Variants in SPPL3 observed in about 807,000 individuals in gnomAD.
SPPL3 encodes the protein signal peptide peptidase-like 3.
SPPL3 carries 5 observed loss-of-function variants against 42.4 expected under a neutral mutation model. The ratio of observed to expected loss-of-function variants is 0.12; its 90% CI spans 0.06 to 0.25. The LOEUF is 0.25. Among genes scored for constraint, SPPL3 ranks in the 10% least tolerant of loss-of-function variants. SPPL3 has a pLI of 1.00. For missense variants in SPPL3, 235 were observed against 489.0 expected (o/e 0.48, Z 4.90); for synonymous variants, 195 against 181.8 (o/e 1.07, Z -0.58).
chr12:120,824,533 A>G (rs1024713727), intron 1 of SPPL3, among the ~76,000 whole-genome samples: 1 of 152,034 alleles, frequency 6.6e-6, no homozygotes, highest in African/African-American at 2.4e-5. Context: ...GTTTTCTTAA[A>G]CTTTTATTTT....
At chr12:120,779,520 C>T (rs942905285) in intron 6 of SPPL3, among the ~76,000 whole-genome samples, 3 of 152,194 alleles carry the variant, frequency 2.0e-5, no homozygotes, top group Admixed American at 6.5e-5. Context: ...AATTGACTGT[C>T]TTTATATTTT....
intron 6 of SPPL3, among the ~76,000 whole-genome samples, chr12:120,770,933 C>T (rs1869096178): frequency 6.6e-6 from 1 of 152,202 alleles, no homozygotes; most frequent in Non-Finnish European, 1.5e-5. Flanking sequence ...CTTAACAGTG[C>T]AGTCTTCTGT....
intron 2 of SPPL3, among the ~76,000 whole-genome samples, chr12:120,799,333 T>A (rs1452847466): frequency 1.1e-4 from 17 of 152,364 alleles, no homozygotes; most frequent in Non-Finnish European, 2.1e-4. Flanking sequence ...AGAATGGTTG[T>A]ATGGGTACTT....
intron 1 of SPPL3, among the ~76,000 whole-genome samples, chr12:120,845,951 G>A (rs1464177080): frequency 6.6e-6 from 1 of 151,948 alleles, no homozygotes; most frequent in African/African-American, 2.4e-5. Flanking sequence ...AGGCTAGAGT[G>A]CGGTGGTGCA....
At chr12:120,847,393 A>G (rs1351191674) in intron 1 of SPPL3, among the ~76,000 whole-genome samples, 1 of 152,006 alleles carries the variant, frequency 6.6e-6, no homozygotes, top group Non-Finnish European at 1.5e-5. Context: ...CCTGGGTTCA[A>G]GCAATTCTCC....
chr12:120,877,696 G>A (rs990828173), intron 1 of SPPL3, among the ~76,000 whole-genome samples: 11 of 151,298 alleles, frequency 7.3e-5, no homozygotes, highest in African/African-American at 1.9e-4. Flanking sequence ...CAGGAGAATC[G>A]CTTGAACCTG....
intron 1 of SPPL3, among the ~76,000 whole-genome samples, chr12:120,884,725 GT>G (rs1020624204): frequency 6.7e-6 from 1 of 148,416 alleles, no homozygotes; most frequent in African/African-American, 2.5e-5. Flanking sequence ...TGGTATTACA[GT>G]TTCATAATTC....
At chr12:120,765,121 C>A (rs1868834677) in intron 10 of SPPL3, 51 bp from the exon 11 acceptor site, 1 of 1,571,022 alleles carries the variant, frequency 6.4e-7, no homozygotes, top group Non-Finnish European at 8.7e-7. Context: ...GAGGCACACA[C>A]AGCTGTCTGA....
intron 1 of SPPL3, among the ~76,000 whole-genome samples, chr12:120,901,055 T>A (rs1167653732): frequency 6.6e-6 from 1 of 152,086 alleles, no homozygotes; most frequent in East Asian, 1.9e-4. Flanking sequence ...ACCTTTTCCA[T>A]ATTTATATTT....
intron 1 of SPPL3, among the ~76,000 whole-genome samples, chr12:120,858,333 G>A (rs563710021): frequency 2.2e-4 from 34 of 152,084 alleles, no homozygotes; most frequent in South Asian, 1.9e-3. Flanking sequence ...GATGGCGGGC[G>A]CCTGTAATCC....
chr12:120,800,638 A>G (rs1870259255), intron 2 of SPPL3, among the ~76,000 whole-genome samples: 1 of 152,204 alleles, frequency 6.6e-6, no homozygotes, highest in Non-Finnish European at 1.5e-5. Flanking sequence ...AAATTATAGC[A>G]TATTATATGC....
Position 120,784,580 on chromosome 12 carries a change from A to G in SPPL3, c.204T>C (p.Ile68=). The G allele has an allele frequency of 6.2e-7, 1 of 1,607,126 alleles. No homozygotes were observed. The highest frequency in any genetic ancestry group is 8.5e-7 in the Non-Finnish European group (1 of 1,177,852). The stretch of plus-strand genomic sequence containing the variant: ...GAAGGAACAGAGCCTGGGTAGAGTC[A>G]ATTGTTTGGATGCCTGAAAGAGAAA... ...GNSTNNSIQT[I]DSTQALFLPI... Residue 68 remains isoleucine, a synonymous_variant, in exon 4 of 11, where the codon ATT becomes ATC. Transcript: ENST00000353487.
chr12:120,794,673 G>C (rs1421340036), intron 2 of SPPL3, among the ~76,000 whole-genome samples: 1 of 152,172 alleles, frequency 6.6e-6, no homozygotes, highest in Non-Finnish European at 1.5e-5. Context: ...TGGGATTAGA[G>C]GCGTGAGACA....
chr12:120,845,896 ATCT>A (rs1166384136), intron 1 of SPPL3, among the ~76,000 whole-genome samples: 2 of 150,832 alleles, frequency 1.3e-5, no homozygotes, highest in African/African-American at 4.9e-5. Flanking sequence ...CTATCTATCT[ATCT>A]ATCTATCTAT....
chr12:120,771,243 A>T (rs2136968756), intron 6 of SPPL3, among the ~76,000 whole-genome samples: 1 of 152,368 alleles, frequency 6.6e-6, no homozygotes, highest in Non-Finnish European at 1.5e-5. Context: ...CTGGCTGACA[A>T]GGTCCTGCTG....
chr12:120,818,525 A>C (rs1245262174), intron 1 of SPPL3, among the ~76,000 whole-genome samples: 1 of 152,242 alleles, frequency 6.6e-6, no homozygotes, highest in Admixed American at 6.5e-5. Flanking sequence ...TTTACCAGCA[A>C]GTGCTTATAA....
intron 1 of SPPL3, among the ~76,000 whole-genome samples, chr12:120,842,232 T>G (rs1367603193): frequency 6.6e-6 from 1 of 152,128 alleles, no homozygotes; most frequent in Non-Finnish European, 1.5e-5. Flanking sequence ...GGGAACACAG[T>G]TATAAACATC....
intron 1 of SPPL3, among the ~76,000 whole-genome samples, chr12:120,847,921 A>G (rs1487543007): frequency 6.6e-6 from 1 of 152,160 alleles, no homozygotes; most frequent in Non-Finnish European, 1.5e-5. Flanking sequence ...AACTACCGAG[A>G]GAAAGGAGAT....
At chr12:120,864,588 A>C (rs1381816092) in intron 1 of SPPL3, among the ~76,000 whole-genome samples, 1 of 152,170 alleles carries the variant, frequency 6.6e-6, no homozygotes, top group African/African-American at 2.4e-5. Context: ...AAATCTTATC[A>C]CTGGCAACAA....
Sources: allele counts gnomAD v4.1 joint callset (sites outside exome capture counted in the v4.1 genomes callset), GRCh38; gene constraint gnomAD v4.1.1; transcripts MANE v1.5; gene names NCBI Gene and HGNC (gene_info 2026-07-23, HGNC 2026-07-21).